Variants in OSBPL10 observed in about 807,000 individuals in gnomAD.
OSBPL10 encodes oxysterol-binding protein-related protein 10.
OSBPL10 carries 49 observed loss-of-function variants against 81.7 expected under a neutral mutation model. The ratio of observed to expected loss-of-function variants is 0.60; its 90% CI spans 0.48 to 0.76. OSBPL10 has a LOEUF of 0.76. OSBPL10 is among the 30% of genes least tolerant of loss of function. The pLI is 0.00. For missense variants in OSBPL10, 923 were observed against 987.8 expected (o/e 0.93, Z 0.88); for synonymous variants, 419 against 383.6 (o/e 1.09, Z -1.08).
At chr3:31,838,799 G>C (rs1471484146) in intron 3 of OSBPL10, among the ~76,000 whole-genome samples, 1 of 152,170 alleles carries the variant, frequency 6.6e-6, no homozygotes, top group Non-Finnish European at 1.5e-5. Context: ...AAGCTCATTA[G>C]AGCTAAACCA....
chr3:31,662,910 C>A, intron 11 of OSBPL10: 1 of 985,444 alleles, frequency 1.0e-6, no homozygotes, highest in Non-Finnish European at 1.2e-6. Flanking sequence ...GCAGGGCTCC[C>A]ACACAGGGTC....
At chr3:31,843,621 T>C (rs576555186) in intron 3 of OSBPL10, among the ~76,000 whole-genome samples, 89 of 152,310 alleles carry the variant, frequency 5.8e-4, no homozygotes, top group African/African-American at 2.0e-3. Flanking sequence ...TCTCTGATCA[T>C]TGTTGGCCCT....
chr3:31,891,633 A>G (rs1200646158), intron 1 of OSBPL10, among the ~76,000 whole-genome samples: 1 of 152,204 alleles, frequency 6.6e-6, no homozygotes, highest in Non-Finnish European at 1.5e-5. Flanking sequence ...TCAGCAGTTT[A>G]CTACAATGCC....
intron 3 of OSBPL10, among the ~76,000 whole-genome samples, chr3:31,865,533 T>C (rs749333989): frequency 4.6e-5 from 7 of 152,126 alleles, no homozygotes; most frequent in Non-Finnish European, 8.8e-5. Flanking sequence ...TAAAATTCAT[T>C]TGTTGAGATC....
At chr3:31,931,014 CAAAAAAAAAAAAAA>C (rs60251266) in intron 1 of OSBPL10, among the ~76,000 whole-genome samples, 4 of 62,074 alleles carry the variant, frequency 6.4e-5, no homozygotes, top group South Asian at 6.5e-4. Flanking sequence ...GACTCGGTCT[CAAAAAAAAAAAAAA>C]AAAAAAAAAA....
At chr3:31,943,488 G>T (rs1039850562) in intron 1 of OSBPL10, among the ~76,000 whole-genome samples, 1 of 151,988 alleles carries the variant, frequency 6.6e-6, no homozygotes, top group Admixed American at 6.5e-5. Flanking sequence ...CATGTTCATT[G>T]TAGGAAATCT....
rs549436483 is a variant in OSBPL10, at chr3:31,701,486, T to C, written c.1245+873A>G. Among the ~76,000 whole-genome samples, 5 of 152,256 alleles carry C rather than the reference T, an allele frequency of 3.3e-5. No individual in the cohort carries two copies. The South Asian group carries it at 1.0e-3, about 32-fold the overall frequency. ...AGATGGTGACGCACTTGCTAGGAGC[T>C]CAGCACTGGGTTAGGTCCTCCGCAC... On this transcript the variant is annotated intron_variant, in intron 7 of 11. Transcript: ENST00000396556.
chr3:32,071,321 C>T (rs1237690032), intron 1 of OSBPL10, among the ~76,000 whole-genome samples: 1 of 152,164 alleles, frequency 6.6e-6, no homozygotes, highest in Non-Finnish European at 1.5e-5. Context: ...GGTTTTGCAT[C>T]CTAACAAAAC....
chr3:31,867,838 G>C (rs564144081), intron 3 of OSBPL10, among the ~76,000 whole-genome samples: 1 of 152,142 alleles, frequency 6.6e-6, no homozygotes, highest in Non-Finnish European at 1.5e-5. Flanking sequence ...AGAAGGGCAA[G>C]TAGCTGACTG....
intron 5 of OSBPL10, among the ~76,000 whole-genome samples, chr3:31,741,499 G>A (rs1306559527): frequency 6.6e-6 from 1 of 152,164 alleles, no homozygotes; most frequent in Non-Finnish European, 1.5e-5. Context: ...TCTTGACCTC[G>A]TGATCCATCC....
At chr3:31,869,109 G>A (rs944364425) in intron 3 of OSBPL10, among the ~76,000 whole-genome samples, 16 of 152,198 alleles carry the variant, frequency 1.1e-4, no homozygotes, top group African/African-American at 2.7e-4. Context: ...CTCCAACTCC[G>A]AGGAGTGCTT....
At chr3:31,678,830 G>T (rs1229873132) in intron 8 of OSBPL10, among the ~76,000 whole-genome samples, 1 of 137,048 alleles carries the variant, frequency 7.3e-6, no homozygotes, top group South Asian at 2.4e-4. Context: ...GTGTGTGTGT[G>T]TAGGAGGGAA....
chr3:31,876,480 T>C lies in OSBPL10; in HGVS notation c.490A>G (p.Thr164Ala). The change falls in exon 3 of 12, where the codon ACT (threonine) becomes GCT (alanine). Residue 164 changes from threonine to alanine, a missense_variant. This residue lies in a region of OSBPL10 where 514 missense variants were observed against 508.0 expected (regional missense o/e 1.01). Coordinates refer to ENST00000396556, the MANE Select transcript of OSBPL10 (RefSeq NM_017784.5). ...ADAKEKQFWV[T>A]QLRACAKYHM... Reference sequence around the variant, plus strand: ...TATTTGGCACAAGCTCGAAGCTGAGTCACCCAGAATTGTTTCTCTTTTGCA... The same window carrying C: ...TATTTGGCACAAGCTCGAAGCTGAGCCACCCAGAATTGTTTCTCTTTTGCA... The C allele has an allele frequency of 6.2e-7, 1 of 1,613,644 alleles. No individual in the cohort carries two copies. The highest frequency in any genetic ancestry group is 8.5e-7 in the Non-Finnish European group (1 of 1,179,556).
rs189651450 is a variant in OSBPL10, at chr3:31,774,719, T to G, written c.730-26599A>C. ...GTAGAGACAGTGTTTCACCATGTTGTCCAGGCTGGTCTCGCACTCCTGACC... is the reference window on the plus strand; with the variant it reads ...GTAGAGACAGTGTTTCACCATGTTGGCCAGGCTGGTCTCGCACTCCTGACC... On this transcript the variant is annotated intron_variant, in intron 4 of 11. Transcript: ENST00000396556. Among the ~76,000 whole-genome samples the G allele has an allele frequency of 1.7e-3, 256 of 151,288 alleles. 1 individual carries two copies. In the Middle Eastern group the frequency reaches 0.017, roughly 10 times the overall value.
chr3:32,028,928 ACACACACACACACACACAC>A (rs1699441481), intron 2 of OSBPL10, among the ~76,000 whole-genome samples: 34 of 97,684 alleles, frequency 3.5e-4, no homozygotes, highest in South Asian at 1.3e-3. Flanking sequence ...GCTAGTCAGG[ACACACACACACACACACAC>A]ACACACACAC....
chr3:31,828,651 GCCT>G (rs1355816727), intron 4 of OSBPL10, among the ~76,000 whole-genome samples: 15 of 152,134 alleles, frequency 9.9e-5, no homozygotes, highest in Non-Finnish European at 4.4e-5. Flanking sequence ...TCCTGCCTTA[GCCT>G]CCTAAGTAGC....
chr3:31,967,234 T>C (rs1698427173), intron 1 of OSBPL10, among the ~76,000 whole-genome samples: 1 of 152,024 alleles, frequency 6.6e-6, no homozygotes, highest in Non-Finnish European at 1.5e-5. Flanking sequence ...CCACTCCAGG[T>C]TTTTTGTTTG....
At chr3:31,990,985 C>G in intron 2 of OSBPL10, 2 of 1,560,574 alleles carry the variant, frequency 1.3e-6, no homozygotes, top group Non-Finnish European at 1.7e-6. Context: ...TTAGAGGTCA[C>G]TCCTTGCAAA....
At chr3:31,698,197 A>G (rs143473484) in intron 7 of OSBPL10, among the ~76,000 whole-genome samples, 23 of 151,890 alleles carry the variant, frequency 1.5e-4, no homozygotes, top group Non-Finnish European at 3.1e-4. Context: ...CGTCTGTAAT[A>G]CCAGCACTTT....
Sources: allele counts gnomAD v4.1 joint callset (sites outside exome capture counted in the v4.1 genomes callset), GRCh38; gene constraint gnomAD v4.1.1; regional missense constraint gnomAD v4.1.1; transcripts MANE v1.5; gene names NCBI Gene and HGNC (gene_info 2026-07-23, HGNC 2026-07-21).